ATP13A3: variants seen among roughly 807,000 people sequenced by gnomAD.
The protein encoded by ATP13A3 is ATPase 13A3.
Under a neutral mutation model 158.1 loss-of-function variants are expected in ATP13A3, and 59 were observed. That is an observed-to-expected ratio of 0.37 (90% CI 0.30 to 0.46). The LOEUF (loss-of-function observed/expected upper bound fraction) is 0.46, where lower values mean the gene tolerates loss of function less well. Among genes scored for constraint, ATP13A3 ranks in the 20% least tolerant of loss-of-function variants. The probability of loss-of-function intolerance (pLI) is 1.00; values close to 1 mark genes in which losing one functional copy is unlikely to be tolerated. For synonymous variants in ATP13A3, 491 were observed against 504.3 expected (o/e 0.97, Z 0.35); for missense variants, 1,166 against 1,525.2 (o/e 0.76, Z 3.92).
intron 10 of ATP13A3, chr3:194,451,421 T>C (rs2108915984): frequency 6.6e-6 from 1 of 152,310 alleles, no homozygotes; most frequent in South Asian, 2.1e-4. Flanking sequence ...AAGGTATCAA[T>C]GACATGTAAG....
intron 15 of ATP13A3, 75 bp from the exon 16 acceptor site, chr3:194,441,536 T>C: frequency 7.4e-7 from 1 of 1,358,156 alleles, no homozygotes; most frequent in Non-Finnish European, 1.0e-6. Context: ...GCTTTTCTGG[T>C]TTTGTAATTA....
In ATP13A3 at chr3:194,405,870, CAT is replaced by C. The variant is rs1472880705; in HGVS notation, c.*47_*48del. ...ACAGGATCAGAAACTCCTAAAATCA[CAT>C]ATTCCTGAATACTGCTATCAGCAAT... On this transcript the variant is annotated 3_prime_UTR_variant, in exon 34 of 34. Coordinates refer to ENST00000645319, the MANE Select transcript of ATP13A3 (RefSeq NM_001367549.1). 4 of 1,586,628 alleles carry C rather than the reference CAT, an allele frequency of 2.5e-6. No homozygotes were observed. In the African/African-American group the frequency reaches 4.0e-5, roughly 16 times the overall value.
chr3:194,459,965 A>T lies in ATP13A3; in HGVS notation c.232T>A (p.Phe78Ile). The T allele has an allele frequency of 6.2e-7, 1 of 1,612,244 alleles. No homozygotes were observed. The highest frequency in any genetic ancestry group is 8.5e-7 in the Non-Finnish European group (1 of 1,178,874). Reference sequence around the variant, plus strand: ...ATTTTTGCACAAAACCACATTTTGAATTCATCCTTAAAGAGAGAAAGGGAT... The same window carrying T: ...ATTTTTGCACAAAACCACATTTTGATTTCATCCTTAAAGAGAGAAAGGGAT... The part of the protein sequence containing the change: ...EVVLLRTTDE[F>I]KMWFCAKIRV... The change falls in exon 5 of 34, where the codon TTC becomes ATC. Residue 78 changes from phenylalanine to isoleucine, a missense_variant. Transcript: ENST00000645319.
At chr3:194,471,216 C>T (rs73073144) in intron 2 of ATP13A3, among the ~76,000 whole-genome samples, 4,261 of 151,134 alleles carry the variant, frequency 0.028, 134 homozygotes, top group African/African-American at 0.076. Flanking sequence ...CTGAAAGCTC[C>T]TTTAACAAGT....
At chr3:194,418,851 T>G (rs77433143) in intron 31 of ATP13A3, among the ~76,000 whole-genome samples, 7,822 of 152,288 alleles carry the variant, frequency 0.051, 351 homozygotes, top group Non-Finnish European at 0.072. Context: ...GTGTCTGGAA[T>G]TACCAGCACA....
chr3:194,464,125 C>T (rs1331715455), intron 2 of ATP13A3, among the ~76,000 whole-genome samples: 3 of 152,206 alleles, frequency 2.0e-5, no homozygotes, highest in Non-Finnish European at 4.4e-5. Flanking sequence ...CACCTCACTG[C>T]ACTCCAGCCT....
intron 20 of ATP13A3, among the ~76,000 whole-genome samples, chr3:194,436,607 G>C (rs1367176771): frequency 6.6e-6 from 1 of 152,238 alleles, no homozygotes; most frequent in African/African-American, 2.4e-5. Context: ...AGGAAACATA[G>C]GTAAACAGTC....
chr3:194,486,153 C>G (rs1430753662), intron 1 of ATP13A3, among the ~76,000 whole-genome samples: 1 of 152,196 alleles, frequency 6.6e-6, no homozygotes, highest in Non-Finnish European at 1.5e-5. Context: ...CCACGGGACT[C>G]ACTCCTTTTA....
chr3:194,421,141 A>AGTT (rs1287642360), intron 30 of ATP13A3, among the ~76,000 whole-genome samples: 1 of 46,170 alleles, frequency 2.2e-5, no homozygotes, highest in Non-Finnish European at 3.3e-5. Flanking sequence ...TATATAGTAT[A>AGTT]TATATATATA....
At chr3:194,488,669 G>A (rs1300701061), upstream of ATP13A3, 3 of 152,190 alleles carry the variant, frequency 2.0e-5, no homozygotes, top group Non-Finnish European at 4.4e-5. This position sits in a 1 kb window ranked among gnomAD's most constrained non-coding sequence, Gnocchi z 4.1. Flanking sequence ...CTCACCTTCT[G>A]GAATCTCTCT....
Position 194,445,349 on chromosome 3 carries a change from A to T in ATP13A3, c.1498-563T>A, listed in dbSNP as rs531474724. On this transcript the variant is annotated intron_variant, in intron 14 of 33. Coordinates refer to ENST00000645319, the MANE Select transcript of ATP13A3 (RefSeq NM_001367549.1). Reference sequence around the variant, plus strand: ...AAATCAACTAGTAAAAATTAGAGATATGAGGAAATCTCAACTGGATATTAG... The same window carrying T: ...AAATCAACTAGTAAAAATTAGAGATTTGAGGAAATCTCAACTGGATATTAG... Among the ~76,000 whole-genome samples, 12 of 152,354 alleles carry T rather than the reference A, an allele frequency of 7.9e-5. No individual in the cohort carries two copies. The South Asian group carries it at 2.5e-3, about 32-fold the overall frequency.
chr3:194,477,021 G>A (rs936995009), intron 2 of ATP13A3, among the ~76,000 whole-genome samples: 7 of 152,082 alleles, frequency 4.6e-5, no homozygotes, highest in African/African-American at 1.4e-4. Flanking sequence ...GTTATCACTC[G>A]CCCCTTACAA....
At chr3:194,406,250 A>C in intron 33 of ATP13A3, 134 bp from the exon 34 acceptor site, 1 of 891,030 alleles carries the variant, frequency 1.1e-6, no homozygotes, top group Non-Finnish European at 1.6e-6. Context: ...CGAATGGGGG[A>C]AAAAAAAATC....
chr3:194,490,478 C>T (rs1413554681), upstream of ATP13A3, among the ~76,000 whole-genome samples: 1 of 152,202 alleles, frequency 6.6e-6, no homozygotes, highest in African/African-American at 2.4e-5. This position sits in a 1 kb window ranked among gnomAD's most constrained non-coding sequence, Gnocchi z 4.4. Flanking sequence ...GGAATTCCTC[C>T]TCCCTGTTTC....
Position 194,405,630 on chromosome 3 carries a change from T to C in ATP13A3, c.*289A>G, listed in dbSNP as rs1714878495. The C allele has an allele frequency of 3.1e-6, 1 of 322,652 alleles. No individual in the cohort carries two copies. Among genetic ancestry groups the C allele is most frequent in the Non-Finnish European group, 5.8e-6 (1 of 172,038 alleles). 20.0% of individuals were successfully genotyped at this position (322,652 alleles called of 1,614,324 possible). On this transcript the variant is annotated 3_prime_UTR_variant, in exon 34 of 34. Transcript: ENST00000645319. ...AACACCAAACTTCTCCTGTACCCAA[T>C]ATAAAGAATATCACTGAAAGTAACA...
rs1478975289 is a variant in ATP13A3 at position 194,404,000 on chromosome 3, G to A, written c.*1919C>T. 1 of 389,942 alleles carries A rather than the reference G, an allele frequency of 2.6e-6. No homozygotes were observed. Among genetic ancestry groups the A allele is most frequent in the Middle Eastern group, 3.7e-4 (1 of 2,698 alleles). 24.2% of individuals were successfully genotyped at this position (389,942 alleles called of 1,614,324 possible). On this transcript the variant is annotated 3_prime_UTR_variant, in exon 34 of 34. Coordinates refer to ENST00000645319, the MANE Select transcript of ATP13A3 (RefSeq NM_001367549.1). ...AATCGGATAATTGAATTTTTAAGCT[G>A]CTACTTAGCAATTACTTTCATTATA...
intron 29 of ATP13A3, 129 bp from the exon 30 acceptor site, chr3:194,425,658 T>G (rs1003733484): frequency 1.4e-6 from 1 of 690,868 alleles, no homozygotes; most frequent in Non-Finnish European, 2.3e-6. Context: ...CAGCAAAAGG[T>G]CCAACAATAT....
rs767520169 is a variant in ATP13A3, at chr3:194,425,516, T to A, written c.3139A>T (p.Thr1047Ser). The change falls in exon 30 of 34, where the codon ACA (threonine) becomes TCA (serine). Residue 1047 changes from threonine (T) to serine (S), a missense_variant. Coordinates refer to ENST00000645319, the MANE Select transcript of ATP13A3 (RefSeq NM_001367549.1). Reference sequence around the variant, plus strand: ...GAAGAATTCCAAAACCCGCTTCCTGTTGTATTACAAGCACTAGAACACATG... The same window carrying A: ...GAAGAATTCCAAAACCCGCTTCCTGATGTATTACAAGCACTAGAACACATG... Reference protein sequence around the residue: ...WHPKSDACNTTGSGFWNSSHV... With the variant: ...WHPKSDACNTSGSGFWNSSHV... 6.2e-7 allele frequency: 1 copy of A among 1,611,952 alleles called. No homozygotes were observed. Among genetic ancestry groups the A allele is most frequent in the South Asian group, 1.1e-5 (1 of 90,328 alleles).
At chr3:194,423,442 AAACT>A (rs1319698698) in intron 30 of ATP13A3, among the ~76,000 whole-genome samples, 18 of 152,330 alleles carry the variant, frequency 1.2e-4, no homozygotes, top group Non-Finnish European at 1.5e-4. Flanking sequence ...CAAGAGGTGA[AAACT>A]AACAGACAGG....
Sources: allele counts gnomAD v4.1 joint callset (sites outside exome capture counted in the v4.1 genomes callset), GRCh38; gene constraint gnomAD v4.1.1; non-coding constraint Gnocchi (gnomAD v3.1); transcripts MANE v1.5; gene names NCBI Gene and HGNC (gene_info 2026-07-23, HGNC 2026-07-21).